Variants in PIK3C2A observed in about 807,000 individuals in gnomAD.
PIK3C2A encodes phosphatidylinositol 4-phosphate 3-kinase C2 domain-containing subunit alpha.
In PIK3C2A, 97 loss-of-function variants were observed where a neutral mutation model predicts 204.5. That is an observed-to-expected ratio of 0.47 (90% CI 0.40 to 0.56). The LOEUF is 0.56. Ranked by LOEUF, PIK3C2A falls within the 20% of genes least tolerant of loss-of-function variation. The pLI, the probability that PIK3C2A is intolerant of heterozygous loss-of-function variation, is 0.00. For synonymous variants in PIK3C2A, 653 were observed against 664.4 expected (o/e 0.98, Z 0.26); for missense variants, 1,735 against 1,969.2 (o/e 0.88, Z 2.25).
intron 17 of PIK3C2A, among the ~76,000 whole-genome samples, chr11:17,119,005 T>G (rs1849290214): frequency 6.6e-6 from 1 of 152,160 alleles, no homozygotes; most frequent in African/African-American, 2.4e-5. Flanking sequence ...CTAAAAAGTC[T>G]GAAAACTAAA....
chr11:17,091,273 TA>T lies in PIK3C2A; in HGVS notation c.4878+60del, dbSNP rs1197780764. ...CATCCTGCTTACGCACGTCAGAACTTAAAAATGAAAATTAAAAAAATAATAA... is the reference window on the plus strand; with the variant it reads ...CATCCTGCTTACGCACGTCAGAACTTAAAATGAAAATTAAAAAAATAATAA... On this transcript the variant is annotated intron_variant, in intron 32 of 32. Coordinates refer to ENST00000691414, the MANE Select transcript of PIK3C2A (RefSeq NM_002645.4). The T allele has an allele frequency of 1.7e-5, 25 of 1,503,636 alleles. No individual in the cohort carries two copies. In the East Asian group the frequency reaches 3.6e-4, roughly 22 times the overall value. 93.1% of individuals were successfully genotyped at this position (1,503,636 alleles called of 1,614,324 possible). A position where few individuals can be genotyped will look rare whatever the true frequency, so the allele number is the denominator to read the frequency against.
At chr11:17,166,456 C>T (rs996619279) in intron 2 of PIK3C2A, among the ~76,000 whole-genome samples, 1 of 152,178 alleles carries the variant, frequency 6.6e-6, no homozygotes, top group Non-Finnish European at 1.5e-5. Context: ...ATGGTAATAT[C>T]AGCTTAGCTG....
intron 20 of PIK3C2A, among the ~76,000 whole-genome samples, chr11:17,113,654 C>T (rs558737768): frequency 1.1e-3 from 161 of 150,866 alleles, no homozygotes; most frequent in African/African-American, 3.8e-3. Context: ...TGGTGGCAGG[C>T]ACCTGTAATC....
At chr11:17,198,971 T>C (rs1243787707) in intron 1 of PIK3C2A, among the ~76,000 whole-genome samples, 2 of 151,862 alleles carry the variant, frequency 1.3e-5, no homozygotes, top group Non-Finnish European at 2.9e-5. Flanking sequence ...ATACAAAAAT[T>C]AGCCACGCGT....
chr11:17,179,748 G>A (rs1851470492), intron 1 of PIK3C2A, among the ~76,000 whole-genome samples: 2 of 152,022 alleles, frequency 1.3e-5, no homozygotes, highest in Admixed American at 6.5e-5. Context: ...CTCCCGAGTA[G>A]CTGAGATTAC....
intron 13 of PIK3C2A, among the ~76,000 whole-genome samples, chr11:17,125,092 T>A (rs779535587): frequency 6.6e-6 from 1 of 152,218 alleles, no homozygotes; most frequent in Non-Finnish European, 1.5e-5. Flanking sequence ...TTAGTTCTAG[T>A]GCCATCAGTT....
rs1848208586 is a variant in PIK3C2A, at chr11:17,088,427, A to G, written c.*1311T>C. 1 of 152,088 alleles carries G rather than the reference A, an allele frequency of 6.6e-6. No individual in the cohort carries two copies. Among genetic ancestry groups the G allele is most frequent in the Non-Finnish European group, 1.5e-5 (1 of 68,046 alleles). The allele number at this position is 152,088 out of a possible 1,614,324, so 9.4% of individuals were successfully genotyped here. ...CCACGCCTGGCTAATTTTTGTGTAG[A>G]GACGGGGTTTCACCATGTTGGCCAG... On this transcript the variant is annotated 3_prime_UTR_variant, in exon 33 of 33. Transcript: ENST00000691414.
chr11:17,160,896 C>CA (rs894892125), intron 2 of PIK3C2A, among the ~76,000 whole-genome samples: 16 of 151,156 alleles, frequency 1.1e-4, no homozygotes, highest in African/African-American at 2.7e-4. Context: ...CAAACAGGAA[C>CA]AAAAAAAACA....
At chr11:17,096,798 T>C (rs1848468032) in intron 27 of PIK3C2A, among the ~76,000 whole-genome samples, 1 of 152,228 alleles carries the variant, frequency 6.6e-6, no homozygotes, top group Non-Finnish European at 1.5e-5. Context: ...TTACTTTACA[T>C]ACTTCTCTAT....
At chr11:17,204,006 G>A (rs1254654246) in intron 1 of PIK3C2A, among the ~76,000 whole-genome samples, 16 of 152,050 alleles carry the variant, frequency 1.1e-4, no homozygotes, top group African/African-American at 3.6e-4. Flanking sequence ...CCTGGGAGGC[G>A]GAGCTTGCAG....
At chr11:17,122,003 T>G (rs1849380988) in intron 15 of PIK3C2A, among the ~76,000 whole-genome samples, 185 bp downstream of exon 15, 1 of 148,196 alleles carries the variant, frequency 6.7e-6, no homozygotes. Context: ...TAGCTGGCCC[T>G]CGAGACAAAA....
chr11:17,191,745 A>T (rs995774585), intron 1 of PIK3C2A, among the ~76,000 whole-genome samples: 2 of 152,184 alleles, frequency 1.3e-5, no homozygotes, highest in Non-Finnish European at 2.9e-5. Flanking sequence ...AAGTGGTCTT[A>T]TGGAAGACTG....
chr11:17,199,903 CAAA>C (rs35435978), intron 1 of PIK3C2A, among the ~76,000 whole-genome samples: 7 of 106,818 alleles, frequency 6.6e-5, no homozygotes, highest in Admixed American at 9.6e-5. Context: ...GCCTCCATCT[CAAA>C]AAAAAAAAAA....
At chr11:17,178,671 T>G (rs1213032711) in intron 1 of PIK3C2A, among the ~76,000 whole-genome samples, 3 of 151,114 alleles carry the variant, frequency 2.0e-5, no homozygotes, top group African/African-American at 7.3e-5. Flanking sequence ...CCAGAGTAGC[T>G]GGGATTACAG....
chr11:17,097,318 C>A (rs912661780), intron 26 of PIK3C2A, 54 bp from the exon 27 acceptor site: 9 of 1,102,948 alleles, frequency 8.2e-6, no homozygotes, highest in Admixed American at 5.8e-5. Context: ...ATGGTAAATT[C>A]TTTCAATGTA....
At chr11:17,194,095 C>T in intron 1 of PIK3C2A, 1 of 525,154 alleles carries the variant, frequency 1.9e-6, no homozygotes, top group East Asian at 4.1e-5. Flanking sequence ...AGCCCAAGAT[C>T]CCAAAGGGTG....
At chr11:17,134,712 G>A in intron 11 of PIK3C2A, 107 bp downstream of exon 11, 2 of 803,714 alleles carry the variant, frequency 2.5e-6, no homozygotes, top group Non-Finnish European at 4.2e-6. Context: ...CATTGCCAAG[G>A]CTGGTCTCCA....
intron 2 of PIK3C2A, among the ~76,000 whole-genome samples, chr11:17,164,353 TAAA>T (rs371924444): frequency 5.9e-5 from 8 of 134,822 alleles, no homozygotes; most frequent in Non-Finnish European, 3.2e-5. Flanking sequence ...GACCCTGTCT[TAAA>T]AAAAAAAAAA....
In PIK3C2A at chr11:17,087,629, T is replaced by TTTTG. The variant is rs766602513; in HGVS notation, c.*2105_*2108dup. The TTTTG allele has an allele frequency of 2.0e-5, 3 of 152,118 alleles. 1 individual carries two copies. The highest frequency in any genetic ancestry group is 1.3e-4 in the Admixed American group (2 of 15,266). 9.4% of individuals were successfully genotyped at this position (152,118 alleles called of 1,614,324 possible). A position where few individuals can be genotyped will look rare whatever the true frequency, so the allele number is the denominator to read the frequency against. ...AATTAACGACCTCTACCAAGACAGT[T>TTTTG]TTTGTTTGTTTGTTTGTTTTTAAAT... On this transcript the variant is annotated 3_prime_UTR_variant, in exon 33 of 33. Coordinates refer to ENST00000691414, the MANE Select transcript of PIK3C2A (RefSeq NM_002645.4).
Sources: allele counts gnomAD v4.1 joint callset (sites outside exome capture counted in the v4.1 genomes callset), GRCh38; gene constraint gnomAD v4.1.1; transcripts MANE v1.5; gene names NCBI Gene and HGNC (gene_info 2026-07-23, HGNC 2026-07-21).